Variants in PLBD1 observed in about 807,000 individuals in gnomAD.
The protein encoded by PLBD1 is phospholipase B domain containing 1.
A neutral mutation model predicts 63.0 loss-of-function variants in PLBD1; 60 were observed. That is an observed-to-expected ratio of 0.95 (90% CI 0.77 to 1.18). PLBD1 has a LOEUF of 1.18. Ranked by LOEUF, PLBD1 falls within the 50% of genes most tolerant of loss-of-function variation. The probability of loss-of-function intolerance (pLI) is 0.00; values close to 1 mark genes in which losing one functional copy is unlikely to be tolerated. For synonymous variants in PLBD1, 262 were observed against 248.0 expected (o/e 1.06, Z -0.53); for missense variants, 598 against 677.9 (o/e 0.88, Z 1.31).
intron 2 of PLBD1, among the ~76,000 whole-genome samples, chr12:14,552,085 C>T (rs144186931): frequency 6.6e-6 from 1 of 152,222 alleles, no homozygotes; most frequent in East Asian, 1.9e-4. Context: ...ATACAATCTC[C>T]AGTACTCAAA....
chr12:14,506,893 G>C, intron 9 of PLBD1, 40 bp downstream of exon 9: 1 of 1,568,996 alleles, frequency 6.4e-7, no homozygotes, highest in Non-Finnish European at 8.7e-7. Flanking sequence ...GGGAAGAAAA[G>C]GAGTTTTGAA....
chr12:14,525,715 GCACA>G (rs201390423), intron 6 of PLBD1, among the ~76,000 whole-genome samples: 1 of 22,528 alleles, frequency 4.4e-5, no homozygotes, highest in African/African-American at 5.5e-5. Flanking sequence ...ACACACACAC[GCACA>G]CACACACTTG....
In PLBD1 at chr12:14,553,413, C is replaced by G; in HGVS notation, c.116-1G>C. The G allele has an allele frequency of 6.2e-7, 1 of 1,611,720 alleles. No homozygotes were observed. Among genetic ancestry groups the G allele is most frequent in the East Asian group, 2.2e-5 (1 of 44,864 alleles). ...CAGTATGCAGTTGCATAGTAGACTCCTAGAAGAAAAGGGAATAATGACAAA... is the reference window on the plus strand; with the variant it reads ...CAGTATGCAGTTGCATAGTAGACTCGTAGAAGAAAAGGGAATAATGACAAA... On this transcript the variant is annotated splice_acceptor_variant, in intron 1 of 10. Coordinates refer to ENST00000240617, the MANE Select transcript of PLBD1 (RefSeq NM_024829.6). LOFTEE classifies it high-confidence loss of function.
rs574588032 is a variant in PLBD1 at position 14,543,372 on chromosome 12, T to A, written c.336-1081A>T. On this transcript the variant is annotated intron_variant, in intron 2 of 10. Transcript: ENST00000240617. Reference sequence around the variant, plus strand: ...CTACCCATTGACATCCTCCATCATGTTATTGTTCAAAGATTTAGTTTTACC... The same window carrying A: ...CTACCCATTGACATCCTCCATCATGATATTGTTCAAAGATTTAGTTTTACC... Among the ~76,000 whole-genome samples the A allele has an allele frequency of 4.1e-4, 63 of 152,338 alleles. 1 individual carries two copies. In the South Asian group the frequency reaches 5.6e-3, roughly 14 times the overall value.
intron 4 of PLBD1, among the ~76,000 whole-genome samples, chr12:14,538,697 A>G (rs1945540178): frequency 6.6e-6 from 1 of 152,124 alleles, no homozygotes; most frequent in Admixed American, 6.5e-5. Flanking sequence ...ATTTTAATAG[A>G]TATTGCCAAA....
At chr12:14,512,141 G>A (rs1371917120) in intron 6 of PLBD1, among the ~76,000 whole-genome samples, 2 of 136,982 alleles carry the variant, frequency 1.5e-5, no homozygotes, top group African/African-American at 5.6e-5. Flanking sequence ...TTCAAATTTT[G>A]TATAAGTCTA....
At chr12:14,526,827 C>T (rs1422680620) in intron 6 of PLBD1, among the ~76,000 whole-genome samples, 5 of 152,022 alleles carry the variant, frequency 3.3e-5, no homozygotes, top group Non-Finnish European at 7.4e-5. Context: ...ACAAAATTGG[C>T]CGGGCGTGGT....
In PLBD1 at chr12:14,544,799, ATCT is replaced by A. The variant is rs1945604456; in HGVS notation, c.336-2511_336-2509del. ...ATTTTAACAAGTTCTTTAAAAAATC[ATCT>A]TCTTACTTCTTATTCCTTGTTTAAT... On this transcript the variant is annotated intron_variant, in intron 2 of 10. Transcript: ENST00000240617. Among the ~76,000 whole-genome samples, 3 of 152,182 alleles carry A rather than the reference ATCT, an allele frequency of 2.0e-5. No homozygotes were observed. The South Asian group carries it at 6.2e-4, about 32-fold the overall frequency.
At chr12:14,531,123 T>C (rs1945457494) in intron 6 of PLBD1, 1 of 152,246 alleles carries the variant, frequency 6.6e-6, no homozygotes, top group East Asian at 1.9e-4. Flanking sequence ...TGATTTATCA[T>C]TGAAGATTTA....
intron 2 of PLBD1, among the ~76,000 whole-genome samples, chr12:14,552,807 A>G (rs568693741): frequency 1.3e-5 from 2 of 152,332 alleles, no homozygotes; most frequent in South Asian, 4.1e-4. Context: ...GTGCCATGAG[A>G]ATTAAAGAGT....
intron 2 of PLBD1, among the ~76,000 whole-genome samples, chr12:14,547,180 T>TGTGTG (rs1945622435): frequency 5.8e-5 from 8 of 138,142 alleles, no homozygotes; most frequent in South Asian, 5.1e-4. Context: ...GCACCTGGCT[T>TGTGTG]TGTGTGTGTG....
intron 1 of PLBD1, among the ~76,000 whole-genome samples, chr12:14,555,564 A>C (rs1261402723): frequency 2.0e-5 from 3 of 152,080 alleles, no homozygotes; most frequent in Non-Finnish European, 4.4e-5. Flanking sequence ...AAACAAAACA[A>C]AAAGTTTTGC....
intron 2 of PLBD1, among the ~76,000 whole-genome samples, chr12:14,551,700 A>C (rs1945660748): frequency 4.1e-5 from 1 of 24,312 alleles, no homozygotes; most frequent in Non-Finnish European, 4.1e-4. Flanking sequence ...TGCTTTCTGC[A>C]AATCACAGTT....
intron 6 of PLBD1, among the ~76,000 whole-genome samples, chr12:14,527,498 T>G (rs1945425343): frequency 6.6e-6 from 1 of 152,214 alleles, no homozygotes; most frequent in Non-Finnish European, 1.5e-5. Flanking sequence ...GATTTACTTT[T>G]TCCAGATGAC....
chr12:14,518,508 G>A (rs919557228), intron 6 of PLBD1, among the ~76,000 whole-genome samples: 9 of 152,110 alleles, frequency 5.9e-5, no homozygotes, highest in African/African-American at 2.2e-4. Flanking sequence ...CAAATCTAGG[G>A]TATGAAAGGG....
intron 7 of PLBD1, 49 bp from the exon 8 acceptor site, chr12:14,511,449 G>C: frequency 6.2e-7 from 1 of 1,613,602 alleles, no homozygotes; most frequent in Non-Finnish European, 8.5e-7. Flanking sequence ...GACTTTACTG[G>C]TTAACAAGCC....
At chr12:14,544,675 C>T (rs994473200) in intron 2 of PLBD1, among the ~76,000 whole-genome samples, 8 of 152,178 alleles carry the variant, frequency 5.3e-5, no homozygotes, top group Middle Eastern at 6.8e-3. Flanking sequence ...TCCCTCAATA[C>T]TAATATCTGA....
At chr12:14,554,111 C>T (rs1378267085) in intron 1 of PLBD1, 1 of 152,996 alleles carries the variant, frequency 6.5e-6, no homozygotes, top group Non-Finnish European at 1.5e-5. Flanking sequence ...CATCTAATGT[C>T]ATATGACATT....
At chr12:14,504,576 T>A (rs73306153) in intron 10 of PLBD1, among the ~76,000 whole-genome samples, 3,183 of 152,324 alleles carry the variant, frequency 0.021, 102 homozygotes, top group African/African-American at 0.071. Context: ...CTTTGTAAAA[T>A]GGGCTGATAA....
Sources: allele counts gnomAD v4.1 joint callset (sites outside exome capture counted in the v4.1 genomes callset), GRCh38; gene constraint gnomAD v4.1.1; transcripts MANE v1.5; gene names NCBI Gene and HGNC (gene_info 2026-07-23, HGNC 2026-07-21).